The following ACSF3 variants were observed in gnomAD, a reference collection of about 807,000 sequenced individuals.
ACSF3 encodes acyl-CoA synthetase family member 3, also known as malonate--CoA ligase ACSF3, mitochondrial.
In ACSF3, 78 loss-of-function variants were observed where a neutral mutation model predicts 53.2. That is an observed-to-expected ratio of 1.47 (90% CI 1.22 to 1.77). The LOEUF is 1.77. Among genes scored for constraint, ACSF3 ranks in the 40% most tolerant of loss-of-function variants. The pLI is 0.00. For missense variants in ACSF3, 937 were observed against 771.1 expected, an observed-to-expected ratio of 1.22 and a Z score of -2.55; for synonymous variants, 414 against 333.1, an observed-to-expected ratio of 1.24 and a Z score of -2.65.
chr16:89,113,337 G>A, intron 5 of ACSF3: 1 of 152,222 alleles, frequency 6.6e-6, no homozygotes, highest in East Asian at 1.9e-4. Context: ...AGAATTCCGG[G>A]TTGTCCAAGG....
At chr16:89,138,751 G>T (rs1911129619) in intron 8 of ACSF3, among the ~76,000 whole-genome samples, 1 of 152,250 alleles carries the variant, frequency 6.6e-6, no homozygotes, top group Non-Finnish European at 1.5e-5. Flanking sequence ...ATGCCCTTCT[G>T]TGCAGCCTGC....
At chr16:89,100,558 C>T (rs2151403865) in intron 2 of ACSF3, 104 bp from the exon 3 acceptor site, 1 of 1,145,310 alleles carries the variant, frequency 8.7e-7, no homozygotes, top group African/African-American at 1.5e-5. Flanking sequence ...GAAGGTGCAG[C>T]AGGCGTACCT....
chr16:89,123,852 G>A lies in ACSF3; in HGVS notation c.1239+2939G>A, dbSNP rs142122414. Reference sequence around the variant, plus strand: ...AGGGCTCAGCCTCCTCCATCACCTCGCTGAGGGGCTGGCTCCTACCACTCC... The same window carrying A: ...AGGGCTCAGCCTCCTCCATCACCTCACTGAGGGGCTGGCTCCTACCACTCC... On this transcript the variant is annotated intron_variant, in intron 7 of 10. Coordinates refer to ENST00000614302, the MANE Select transcript of ACSF3 (RefSeq NM_001243279.3). Among the ~76,000 whole-genome samples, 40 of 152,234 alleles carry A rather than the reference G, an allele frequency of 2.6e-4. No individual in the cohort carries two copies. The East Asian group carries it at 6.2e-3, about 24-fold the overall frequency.
At position 89,155,381 on chromosome 16, in the gene ACSF3, T is replaced by C. The variant is rs1914608713; in HGVS notation, c.*1174T>C. On this transcript the variant is annotated 3_prime_UTR_variant, in exon 11 of 11. Coordinates refer to ENST00000614302, the MANE Select transcript of ACSF3 (RefSeq NM_001243279.3). ...TGCCTCTGACAGGAGACCAGCCCCA[T>C]CTCAGGCTCACATGCCTCGCGGACA... The C allele has an allele frequency of 2.2e-6, 1 of 451,970 alleles. No homozygotes were observed. The highest frequency in any genetic ancestry group is 2.0e-5 in the African/African-American group (1 of 49,960). The allele number at this position is 451,970 out of a possible 1,614,324, so 28.0% of individuals were successfully genotyped here.
In ACSF3 at chr16:89,146,069, G is replaced by GGGC; in HGVS notation, c.1613+20_1613+21insGGC. 19 of 534,892 alleles carry GGGC rather than the reference G, an allele frequency of 3.6e-5. No individual in the cohort carries two copies. Among genetic ancestry groups the GGGC allele is most frequent in the Non-Finnish European group, 4.9e-5 (13 of 262,886 alleles). The allele number at this position is 534,892 out of a possible 1,614,324, so 33.1% of individuals were successfully genotyped here. On this transcript the variant is annotated intron_variant, in intron 10 of 10. Coordinates refer to ENST00000614302, the MANE Select transcript of ACSF3 (RefSeq NM_001243279.3). ...GGCCAGGTAGGGCTGGGTGGGGCGG[G>GGGC]CAGGGAGCACTCATGGGGTCTTGGG...
intron 6 of ACSF3, among the ~76,000 whole-genome samples, chr16:89,119,984 A>G (rs1906221790): frequency 6.6e-6 from 1 of 152,208 alleles, no homozygotes; most frequent in African/African-American, 2.4e-5. Context: ...CGGGATAGAC[A>G]GGAAGTCCCA....
chr16:89,140,608 T>A (rs1197091547), intron 8 of ACSF3, among the ~76,000 whole-genome samples: 1 of 152,176 alleles, frequency 6.6e-6, no homozygotes, highest in African/African-American at 2.4e-5. Flanking sequence ...CTTTGGGTGC[T>A]GGTGTCACTC....
chr16:89,108,376 G>A (rs976834930), intron 4 of ACSF3, among the ~76,000 whole-genome samples: 26 of 152,166 alleles, frequency 1.7e-4, no homozygotes, highest in African/African-American at 1.7e-4. Context: ...AATAGTTCTT[G>A]TAGTGCAGCT....
intron 8 of ACSF3, among the ~76,000 whole-genome samples, chr16:89,137,675 A>G (rs371825107): frequency 0.052 from 6,437 of 124,720 alleles, 199 homozygotes; most frequent in Non-Finnish European, 0.074. Context: ...CCCAGGTCCC[A>G]GGAGGACCAC....
chr16:89,128,444 C>A (rs1174381793), intron 7 of ACSF3, among the ~76,000 whole-genome samples: 2 of 151,556 alleles, frequency 1.3e-5, no homozygotes, highest in Non-Finnish European at 2.9e-5. Context: ...GTATTTAGTA[C>A]AGATGGGGTT....
At position 89,093,914 on chromosome 16, in the gene ACSF3, C is replaced by T. The variant is rs1471601595; in HGVS notation, c.-276C>T. 9.1e-6 allele frequency: 3 copies of T among 328,812 alleles called. No homozygotes were observed. The highest frequency in any genetic ancestry group is 2.2e-5 in the African/African-American group (1 of 44,850). The allele number at this position is 328,812 out of a possible 1,614,324, so 20.4% of individuals were successfully genotyped here. A position where few individuals can be genotyped will look rare whatever the true frequency, so the allele number is the denominator to read the frequency against. On this transcript the variant is annotated 5_prime_UTR_variant, in exon 1 of 11. Coordinates refer to ENST00000614302, the MANE Select transcript of ACSF3 (RefSeq NM_001243279.3). ...CCGCGGGACCCGGCCGGAACCCGGC[C>T]CGACCCCGGCGCGCGCGCGGCGGAG... is the stretch of plus-strand genomic sequence containing the variant.
At chr16:89,099,236 T>C (rs1974974585) in intron 2 of ACSF3, among the ~76,000 whole-genome samples, 1 of 152,224 alleles carries the variant, frequency 6.6e-6, no homozygotes. Context: ...GCAGAATGCA[T>C]GTTGCAGAAT....
Position 89,114,335 on chromosome 16 carries a change from G to C in ACSF3, c.978-4G>C. ...CTAAACCTGCCTTTGGTTGTGCCGCGTAGGCTGATGGTCTCAGGCTCAGCT... is the reference window on the plus strand; with the variant it reads ...CTAAACCTGCCTTTGGTTGTGCCGCCTAGGCTGATGGTCTCAGGCTCAGCT... On this transcript the variant is annotated splice_region_variant and splice_polypyrimidine_tract_variant and intron_variant, in intron 5 of 10. Transcript: ENST00000614302. 6 of 1,613,974 alleles carry C rather than the reference G, an allele frequency of 3.7e-6. 1 individual carries two copies. The highest frequency in any genetic ancestry group is 1.7e-5 in the Admixed American group (1 of 60,036).
chr16:89,141,806 A>C (rs535913218), intron 8 of ACSF3, among the ~76,000 whole-genome samples: 14 of 152,286 alleles, frequency 9.2e-5, no homozygotes, highest in African/African-American at 3.4e-4. Context: ...CACGACTGCC[A>C]CCATGCACTG....
In ACSF3 at chr16:89,120,951, G is replaced by A. The variant is rs764176111; in HGVS notation, c.1239+38G>A. On this transcript the variant is annotated intron_variant, in intron 7 of 10. Transcript: ENST00000614302. ...GCTCTTGGCAGGTGGGCGGCCGTGT[G>A]TCCAGTCTAGGCCCCCCAGGGTGGT... 1.9e-6 allele frequency: 3 copies of A among 1,583,136 alleles called. No homozygotes were observed. In the Admixed American group the frequency reaches 5.0e-5, roughly 26 times the overall value.
At chr16:89,122,604 G>A (rs1906928268) in intron 7 of ACSF3, 5 of 241,760 alleles carry the variant, frequency 2.1e-5, no homozygotes, top group South Asian at 2.0e-4. Flanking sequence ...GCCTGGGTTG[G>A]GGACACCATC....
Position 89,112,230 on chromosome 16 carries a change from T to A in ACSF3, c.961T>A (p.Cys321Ser). 1 of 1,614,192 alleles carries A rather than the reference T, an allele frequency of 6.2e-7. No homozygotes were observed. The highest frequency in any genetic ancestry group is 1.1e-5 in the South Asian group (1 of 91,082). ...CGCCCAGGATTTCTTGCGTGCAGTT[T>A]GTGAAGAAAAAATTAGGTAAGTGAA... The part of the protein sequence containing the change: ...PHAQDFLRAV[C>S]EEKIRLMVSG... The change falls in exon 5 of 11, where the codon TGT becomes AGT. Residue 321 changes from cysteine to serine, a missense_variant. Coordinates refer to ENST00000614302, the MANE Select transcript of ACSF3 (RefSeq NM_001243279.3).
chr16:89,124,160 C>G (rs976639757), intron 7 of ACSF3, among the ~76,000 whole-genome samples: 1 of 151,940 alleles, frequency 6.6e-6, no homozygotes, highest in South Asian at 2.1e-4. Flanking sequence ...AAGTATCACA[C>G]ACACATACAC....
At chr16:89,151,469 C>A in intron 10 of ACSF3, 1 of 301,568 alleles carries the variant, frequency 3.3e-6, no homozygotes, top group South Asian at 3.0e-5. Context: ...AATGGGCAGA[C>A]ACACAAAATC....
Sources: gnomAD v4.1 joint callset for allele counts (sites outside exome capture counted in the v4.1 genomes callset) on GRCh38, gnomAD v4.1.1 for gene constraint, MANE v1.5 for transcripts, NCBI Gene and HGNC (gene_info 2026-07-23, HGNC 2026-07-21) for gene names.